Variants in SLC35F6 observed in about 807,000 individuals in gnomAD.
SLC35F6 encodes ANT2-binding protein.
In SLC35F6, 26 loss-of-function variants were observed where a neutral mutation model predicts 29.4. That is an observed-to-expected ratio of 0.89 (90% confidence interval 0.65 to 1.23). The LOEUF (loss-of-function observed/expected upper bound fraction) is 1.23. Ranked by LOEUF, SLC35F6 falls within the 50% of genes most tolerant of loss-of-function variation. SLC35F6 has a pLI of 0.00. For missense variants in SLC35F6, 428 were observed against 487.8 expected (o/e 0.88, Z 1.15); for synonymous variants, 174 against 206.6 (o/e 0.84, Z 1.35).
At chr2:26,772,367 G>A (rs1054380914) in intron 1 of SLC35F6, among the ~76,000 whole-genome samples, 1 of 152,214 alleles carries the variant, frequency 6.6e-6, no homozygotes, top group Non-Finnish European at 1.5e-5. Context: ...ACATTTCAAG[G>A]AAAGGCATTT....
intron 1 of SLC35F6, among the ~76,000 whole-genome samples, chr2:26,767,462 G>A (rs998115824): frequency 3.9e-5 from 6 of 152,240 alleles, no homozygotes; most frequent in South Asian, 2.1e-4. Context: ...ATCTGAGCAC[G>A]TGCTGCCTGC....
intron 1 of SLC35F6, among the ~76,000 whole-genome samples, chr2:26,769,354 C>T (rs1367081991): frequency 2.0e-5 from 3 of 152,222 alleles, no homozygotes; most frequent in African/African-American, 4.8e-5. Context: ...TAGGACCCTT[C>T]GGGCCTCCTG....
rs1356091665 is a variant in SLC35F6, at chr2:26,780,785, G to C, written c.*2274G>C. 2.0e-5 allele frequency: 3 copies of C among 152,316 alleles called. No individual in the cohort carries two copies. Among genetic ancestry groups the C allele is most frequent in the African/African-American group, 7.2e-5 (3 of 41,452 alleles). The allele number at this position is 152,316 out of a possible 1,614,324, so 9.4% of individuals were successfully genotyped here. The stretch of plus-strand genomic sequence containing the variant: ...AGGGAACCAAGCAGCCTTTGGTCCA[G>C]TGCTGCTCCTTGGAACAGTTGAGTG... On this transcript the variant is annotated 3_prime_UTR_variant, in exon 6 of 6. Coordinates refer to ENST00000344420, the MANE Select transcript of SLC35F6 (RefSeq NM_017877.4).
chr2:26,776,344 TCTC>T, intron 4 of SLC35F6, 25 bp from the exon 5 acceptor site: 1 of 1,609,096 alleles, frequency 6.2e-7, no homozygotes, highest in Non-Finnish European at 8.5e-7. Context: ...GCAGCCCTGT[TCTC>T]ATCTGGGTCC....
At chr2:26,772,567 C>T (rs751810890) in intron 1 of SLC35F6, among the ~76,000 whole-genome samples, 9 of 152,120 alleles carry the variant, frequency 5.9e-5, no homozygotes, top group African/African-American at 2.2e-4. Context: ...GAGGGAGGGC[C>T]ACGCCTTGCT....
rs1035714075 is a variant in SLC35F6, at chr2:26,779,377, A to G, written c.*866A>G. On this transcript the variant is annotated 3_prime_UTR_variant, in exon 6 of 6. Transcript: ENST00000344420. The stretch of plus-strand genomic sequence containing the variant: ...TGGGCCTTGGTGTTATGCTCTGGGA[A>G]GTAGATGTTGATGCTGTGGCCTTAG... 2 of 152,202 alleles carry G rather than the reference A, an allele frequency of 1.3e-5. No homozygotes were observed. Among genetic ancestry groups the G allele is most frequent in the Non-Finnish European group, 2.9e-5 (2 of 68,064 alleles). 9.4% of individuals were successfully genotyped at this position (152,202 alleles called of 1,614,324 possible). A position where few individuals can be genotyped will look rare whatever the true frequency, so the allele number is the denominator to read the frequency against.
In SLC35F6 at chr2:26,780,618, G is replaced by A. The variant is rs968040803; in HGVS notation, c.*2107G>A. 6.6e-6 allele frequency: 1 copy of A among 152,202 alleles called. No individual in the cohort carries two copies. The highest frequency in any genetic ancestry group is 2.4e-5 in the African/African-American group (1 of 41,440). The allele number at this position is 152,202 out of a possible 1,614,324, so 9.4% of individuals were successfully genotyped here. A position where few individuals can be genotyped will look rare whatever the true frequency, so the allele number is the denominator to read the frequency against. ...CCAGTGTTCCAACCTAGGTTTGCCT[G>A]ATACCAGACCTGTGGCCCCACCTCC... is the stretch of plus-strand genomic sequence containing the variant. On this transcript the variant is annotated 3_prime_UTR_variant, in exon 6 of 6. Coordinates refer to ENST00000344420, the MANE Select transcript of SLC35F6 (RefSeq NM_017877.4).
At position 26,775,664 on chromosome 2, in the gene SLC35F6, G is replaced by C. The variant is rs1027342037; in HGVS notation, c.523G>C (p.Glu175Gln). 2 of 1,584,074 alleles carry C rather than the reference G, an allele frequency of 1.3e-6. No individual in the cohort carries two copies. Among genetic ancestry groups the C allele is most frequent in the Admixed American group, 1.8e-5 (1 of 56,354 alleles). Residue 175 changes from glutamate (E) to glutamine (Q), a missense_variant, in exon 4 of 6, where the codon GAA becomes CAA. Coordinates refer to ENST00000344420, the MANE Select transcript of SLC35F6 (RefSeq NM_017877.4). The surrounding 1 kb of genome is among the most constrained non-coding windows in gnomAD (Gnocchi z 4.6). ...SKHDSQHKLS[E>Q]VITGDLLIIM... ...GCACGACAGTCAGCACAAGCTCAGC[G>C]AAGTGATCACAGGTGCGGCCAGGGG...
Position 26,779,018 on chromosome 2 carries a change from A to T in SLC35F6, c.*507A>T, listed in dbSNP as rs1664359473. 1 of 151,716 alleles carries T rather than the reference A, an allele frequency of 6.6e-6. No homozygotes were observed. The highest frequency in any genetic ancestry group is 2.4e-5 in the African/African-American group (1 of 40,904). 9.4% of individuals were successfully genotyped at this position (151,716 alleles called of 1,614,324 possible). A position where few individuals can be genotyped will look rare whatever the true frequency, so the allele number is the denominator to read the frequency against. ...AGTGGCACGATCTCGGCGGCTCACT[A>T]CAACCTCTGCCTCCCAGGTTCAAAT... is the stretch of plus-strand genomic sequence containing the variant. On this transcript the variant is annotated 3_prime_UTR_variant, in exon 6 of 6. Coordinates refer to ENST00000344420, the MANE Select transcript of SLC35F6 (RefSeq NM_017877.4).
chr2:26,764,332 A>G lies in SLC35F6; in HGVS notation c.-18A>G. The G allele has an allele frequency of 6.5e-7, 1 of 1,549,214 alleles. No individual in the cohort carries two copies. The highest frequency in any genetic ancestry group is 8.7e-7 in the Non-Finnish European group (1 of 1,146,370). On this transcript the variant is annotated 5_prime_UTR_variant, in exon 1 of 6. Coordinates refer to ENST00000344420, the MANE Select transcript of SLC35F6 (RefSeq NM_017877.4). The stretch of plus-strand genomic sequence containing the variant: ...GGCCCGGCGCCGCTAACTGGAGCGA[A>G]CCCCAGCGTCCGCCGACATGGCCTG...
At position 26,778,745 on chromosome 2, in the gene SLC35F6, C is replaced by T; in HGVS notation, c.*234C>T. 5.6e-6 allele frequency: 3 copies of T among 533,480 alleles called. 1 individual carries two copies. In the South Asian group the frequency reaches 9.5e-5, roughly 17 times the overall value. 33.0% of individuals were successfully genotyped at this position (533,480 alleles called of 1,614,324 possible). On this transcript the variant is annotated 3_prime_UTR_variant, in exon 6 of 6. Transcript: ENST00000344420. Reference sequence around the variant, plus strand: ...CCACAAGCCTGAGTGCAGTGGCAGACCTCAGCTCTCTGGACCCCTCCTACA... The same window carrying T: ...CCACAAGCCTGAGTGCAGTGGCAGATCTCAGCTCTCTGGACCCCTCCTACA...
At chr2:26,774,354 C>A in intron 2 of SLC35F6, 31 bp downstream of exon 2, 1 of 1,612,342 alleles carries the variant, frequency 6.2e-7, no homozygotes, top group South Asian at 1.1e-5. Flanking sequence ...TACCTCCTGT[C>A]TCCCGGGCCT....
chr2:26,773,229 G>T (rs1168771928), intron 1 of SLC35F6, among the ~76,000 whole-genome samples: 1 of 152,084 alleles, frequency 6.6e-6, no homozygotes, highest in Non-Finnish European at 1.5e-5. Flanking sequence ...GGCCAGGCAC[G>T]GTGGCTCACG....
At position 26,778,068 on chromosome 2, in the gene SLC35F6, C is replaced by T; in HGVS notation, c.673C>T (p.Leu225=). 6.2e-7 allele frequency: 1 copy of T among 1,612,574 alleles called. No individual in the cohort carries two copies. The highest frequency in any genetic ancestry group is 8.5e-7 in the Non-Finnish European group (1 of 1,178,744). Reference sequence around the variant, plus strand: ...CCTCTTTGGCTTTGTGATCCTCTCCCTGCTGCTGGTGCCCATGTACTACAT... The same window carrying T: ...CCTCTTTGGCTTTGTGATCCTCTCCTTGCTGCTGGTGCCCATGTACTACAT... ...EGLFGFVILS[L]LLVPMYYIPA... The change falls in exon 6 of 6, where the codon CTG becomes TTG. Residue 225 remains leucine (L), a synonymous_variant. Transcript: ENST00000344420.
At chr2:26,776,185 G>A (rs1266197111) in intron 4 of SLC35F6, among the ~76,000 whole-genome samples, 187 bp from the exon 5 acceptor site, 3 of 152,244 alleles carry the variant, frequency 2.0e-5, no homozygotes, top group African/African-American at 7.2e-5. Flanking sequence ...TGGGGCCTTA[G>A]CCTGGCACTG....
intron 1 of SLC35F6, among the ~76,000 whole-genome samples, chr2:26,772,872 A>G (rs1334060742): frequency 1.3e-5 from 2 of 152,222 alleles, no homozygotes; most frequent in African/African-American, 4.8e-5. Flanking sequence ...TAAGCTGCCC[A>G]AAGCACTATG....
At chr2:26,776,256 C>G in intron 4 of SLC35F6, 116 bp from the exon 5 acceptor site, 1 of 821,700 alleles carries the variant, frequency 1.2e-6, no homozygotes, top group Non-Finnish European at 2.0e-6. Context: ...TGCCTATGAA[C>G]TATAGGGGGC....
At chr2:26,777,454 G>A (rs536473503) in intron 5 of SLC35F6, among the ~76,000 whole-genome samples, 5 of 152,312 alleles carry the variant, frequency 3.3e-5, no homozygotes, top group South Asian at 2.1e-4. Context: ...TCTGGCCCCC[G>A]GTGAGCTAAG....
In SLC35F6 at chr2:26,766,065, C is replaced by T. The variant is rs1371946428; in HGVS notation, c.77+1639C>T. On this transcript the variant is annotated intron_variant, in intron 1 of 5. Transcript: ENST00000344420. ...AGAGATCCTCAATCCCAGAAGGCGT[C>T]GCCTTTAAAGGCTGCCTGAGAGTCA... Among the ~76,000 whole-genome samples the T allele has an allele frequency of 5.3e-5, 8 of 152,184 alleles. No homozygotes were observed. The East Asian group carries it at 1.2e-3, about 22-fold the overall frequency.
Sources: gnomAD v4.1 joint callset for allele counts (sites outside exome capture counted in the v4.1 genomes callset) on GRCh38, gnomAD v4.1.1 for gene constraint, Gnocchi (gnomAD v3.1) non-coding constraint, MANE v1.5 for transcripts, NCBI Gene and HGNC (gene_info 2026-07-23, HGNC 2026-07-21) for gene names.